The following UNC13C variants were observed in gnomAD, a reference collection of about 807,000 sequenced individuals.
UNC13C encodes the protein protein unc-13 homolog C.
UNC13C carries 174 observed loss-of-function variants against 245.4 expected under a neutral mutation model. That is an observed-to-expected ratio of 0.71 (90% CI 0.63 to 0.80). UNC13C has a LOEUF of 0.80. Among genes scored for constraint, UNC13C ranks in the 30% least tolerant of loss-of-function variants. The pLI is 0.00. For synonymous variants in UNC13C, 992 were observed against 895.1 expected (o/e 1.11, Z -1.93); for missense variants, 2,829 against 2,602.9 (o/e 1.09, Z -1.89).
intron 19 of UNC13C, among the ~76,000 whole-genome samples, chr15:54,439,370 C>T (rs1890390916): frequency 6.6e-6 from 1 of 151,846 alleles, no homozygotes; most frequent in African/African-American, 2.4e-5. Flanking sequence ...CTAGAGTTTA[C>T]AGTAAAATAT....
At chr15:53,914,695 A>G in the UNC13C span, 3 of 152,226 alleles carry the variant, frequency 2.0e-5, no homozygotes, top group African/African-American at 7.2e-5. Flanking sequence ...GCTGCTGAAT[A>G]AAATCATCTT....
At chr15:54,234,518 G>T (rs746903303) in intron 4 of UNC13C, among the ~76,000 whole-genome samples, 1 of 152,034 alleles carries the variant, frequency 6.6e-6, no homozygotes, top group African/African-American at 2.4e-5. Flanking sequence ...TTCAGATAAG[G>T]GGAACTTGCG....
chr15:54,253,711 T>C (rs1345486670), intron 8 of UNC13C, among the ~76,000 whole-genome samples: 2 of 152,142 alleles, frequency 1.3e-5, no homozygotes. Context: ...AGCACCTCAG[T>C]GGTGGTTTTA....
intron 19 of UNC13C, among the ~76,000 whole-genome samples, chr15:54,455,210 TATATA>T (rs1891435893): frequency 1.6e-5 from 1 of 61,618 alleles, no homozygotes; most frequent in African/African-American, 7.2e-5. Flanking sequence ...TCTCTCTATA[TATATA>T]TATATATATA....
chr15:54,320,745 A>G (rs550471241), intron 13 of UNC13C: 14 of 391,702 alleles, frequency 3.6e-5, no homozygotes, highest in Admixed American at 1.9e-4. Context: ...TGCCACTGCC[A>G]TAGCTACTGC....
At chr15:54,489,298 C>T (rs1893580254) in intron 19 of UNC13C, among the ~76,000 whole-genome samples, 1 of 152,132 alleles carries the variant, frequency 6.6e-6, no homozygotes, top group Non-Finnish European at 1.5e-5. Context: ...ATTAGATTAT[C>T]CACAAAGCCT....
At chr15:54,591,877 T>A (rs1338754814) in intron 30 of UNC13C, among the ~76,000 whole-genome samples, 1 of 152,118 alleles carries the variant, frequency 6.6e-6, no homozygotes, top group African/African-American at 2.4e-5. Context: ...CCTTGATGCC[T>A]GACCTTAGAT....
At chr15:54,323,485 A>G (rs1259177671) in intron 14 of UNC13C, among the ~76,000 whole-genome samples, 5 of 152,030 alleles carry the variant, frequency 3.3e-5, no homozygotes, top group Admixed American at 2.0e-4. Context: ...TTACTTTAAC[A>G]TGTTTCTCAA....
chr15:54,213,434 T>C (rs1477076294), intron 4 of UNC13C, among the ~76,000 whole-genome samples: 1 of 152,034 alleles, frequency 6.6e-6, no homozygotes, highest in Non-Finnish European at 1.5e-5. Flanking sequence ...GCACAATTTT[T>C]AATGTGTATT....
At chr15:53,880,427 A>G in the UNC13C span, among the ~76,000 whole-genome samples, 1 of 152,228 alleles carries the variant, frequency 6.6e-6, no homozygotes. Context: ...AGCTGAAGGA[A>G]TAGCTCAATA....
intron 20 of UNC13C, 82 bp from the exon 21 acceptor site, chr15:54,499,997 C>A: frequency 2.9e-6 from 3 of 1,024,294 alleles, no homozygotes; most frequent in South Asian, 1.6e-5. Flanking sequence ...AAATTACTCT[C>A]ATATGCAAAA....
At chr15:53,855,218 T>TA in the UNC13C span, among the ~76,000 whole-genome samples, 1 of 152,338 alleles carries the variant, frequency 6.6e-6, no homozygotes, top group South Asian at 2.1e-4. Context: ...GTTTTCTAGA[T>TA]ACAGAATCAT....
the UNC13C span, among the ~76,000 whole-genome samples, chr15:53,902,262 C>T: frequency 1.3e-5 from 2 of 152,024 alleles, no homozygotes; most frequent in Non-Finnish European, 2.9e-5. Context: ...TTTAATACTC[C>T]CTAACCCTAA....
chr15:53,889,678 C>T, the UNC13C span, among the ~76,000 whole-genome samples: 10 of 152,026 alleles, frequency 6.6e-5, no homozygotes, highest in Admixed American at 1.3e-4. Context: ...AGTATGATAA[C>T]GGCTGTGAGG....
intron 17 of UNC13C, among the ~76,000 whole-genome samples, chr15:54,342,208 AT>A (rs1485657290): frequency 6.6e-6 from 1 of 152,122 alleles, no homozygotes; most frequent in Non-Finnish European, 1.5e-5. Flanking sequence ...ATCTAAAAAT[AT>A]TGTGGATACT....
At chr15:53,860,289 A>G in the UNC13C span, among the ~76,000 whole-genome samples, 1 of 152,172 alleles carries the variant, frequency 6.6e-6, no homozygotes, top group Non-Finnish European at 1.5e-5. Flanking sequence ...GCAATATTTT[A>G]CAGGTTGCTT....
chr15:54,333,846 T>A lies in UNC13C; in HGVS notation c.4574T>A (p.Phe1525Tyr). ...TVDLLTSITF[F>Y]RMKVLELQSP... ...GACCTGTTAACAAGTATCACCTTTT[T>A]TAGGATGAAGGTATCTCATTTTATT... is the stretch of plus-strand genomic sequence containing the variant. Residue 1525 changes from phenylalanine to tyrosine, a missense_variant, in exon 16 of 33, where the codon TTT becomes TAT. Transcript: ENST00000260323. 2.5e-6 allele frequency: 4 copies of A among 1,600,322 alleles called. No individual in the cohort carries two copies. Among genetic ancestry groups the A allele is most frequent in the Non-Finnish European group, 3.4e-6 (4 of 1,172,158 alleles).
intron 30 of UNC13C, among the ~76,000 whole-genome samples, chr15:54,603,597 C>T (rs1899575171): frequency 6.6e-6 from 1 of 152,120 alleles, no homozygotes; most frequent in African/African-American, 2.4e-5. Flanking sequence ...CACAGTGGCT[C>T]ACACCTGTAA....
intron 2 of UNC13C, among the ~76,000 whole-genome samples, chr15:54,025,661 A>G (rs895640089): frequency 1.3e-5 from 2 of 152,214 alleles, no homozygotes; most frequent in African/African-American, 4.8e-5. Flanking sequence ...ACTATATAAG[A>G]TGAGAAACTG....
Sources: gnomAD v4.1 joint callset for allele counts (sites outside exome capture counted in the v4.1 genomes callset) on GRCh38, gnomAD v4.1.1 for gene constraint, MANE v1.5 for transcripts, NCBI Gene and HGNC (gene_info 2026-07-23, HGNC 2026-07-21) for gene names.